Variants in IMMP2L observed in about 807,000 individuals in gnomAD.
IMMP2L encodes the protein inner mitochondrial membrane peptidase subunit 2.
IMMP2L carries 18 observed loss-of-function variants against 19.3 expected under a neutral mutation model. The ratio of observed to expected loss-of-function variants is 0.93; its 90% CI spans 0.64 to 1.38. The LOEUF is 1.38. Among genes scored for constraint, IMMP2L ranks in the 40% most tolerant of loss-of-function variants. IMMP2L has a pLI of 0.00. For synonymous variants in IMMP2L, 76 were observed against 73.0 expected, an observed-to-expected ratio of 1.04 and a Z score of -0.21; for missense variants, 233 against 218.2, an observed-to-expected ratio of 1.07 and a Z score of -0.43.
chr7:110,742,925 G>C (rs912117334), intron 5 of IMMP2L, among the ~76,000 whole-genome samples: 2 of 151,940 alleles, frequency 1.3e-5, no homozygotes, highest in African/African-American at 4.8e-5. Flanking sequence ...ACATTCCTAC[G>C]TACATTACGC....
At position 110,870,233 on chromosome 7, in the gene IMMP2L, T is replaced by C. The variant is rs1288165703; in HGVS notation, c.408+16360A>G. Reference sequence around the variant, plus strand: ...GCCTTCTTCCAATCTCCACTAACCATTTTAAGTGCATTTCATTCTCTTTTT... The same window carrying C: ...GCCTTCTTCCAATCTCCACTAACCACTTTAAGTGCATTTCATTCTCTTTTT... On this transcript the variant is annotated intron_variant, in intron 5 of 5. Coordinates refer to ENST00000405709, the MANE Select transcript of IMMP2L (RefSeq NM_032549.4). This position sits in a 1 kb window ranked among gnomAD's most constrained non-coding sequence, Gnocchi z 4.2. 6.6e-6 allele frequency among the ~76,000 whole-genome samples: 1 copy of C among 152,146 alleles called. No individual in the cohort carries two copies. The highest frequency in any genetic ancestry group is 1.5e-5 in the Non-Finnish European group (1 of 68,022).
intron 3 of IMMP2L, among the ~76,000 whole-genome samples, chr7:111,171,090 A>G (rs1806393449): frequency 6.6e-6 from 1 of 151,750 alleles, no homozygotes; most frequent in South Asian, 2.1e-4. Context: ...AGAAATCAGT[A>G]TAAAAATCCA....
chr7:111,380,118 A>T (rs1563121862), intron 3 of IMMP2L, among the ~76,000 whole-genome samples: 1 of 151,984 alleles, frequency 6.6e-6, no homozygotes, highest in Non-Finnish European at 1.5e-5. Flanking sequence ...ATAATATTTT[A>T]TTATAATATC....
At chr7:111,111,172 C>A (rs542184796) in intron 3 of IMMP2L, among the ~76,000 whole-genome samples, 12 of 151,818 alleles carry the variant, frequency 7.9e-5, no homozygotes, top group Non-Finnish European at 1.5e-4. Context: ...AATTTATAAC[C>A]CTGTTTTGAA....
chr7:111,513,952 T>G (rs1845664526), intron 2 of IMMP2L, among the ~76,000 whole-genome samples: 1 of 152,008 alleles, frequency 6.6e-6, no homozygotes, highest in African/African-American at 2.4e-5. Flanking sequence ...AAATACTGCA[T>G]GATCTCACTT....
intron 3 of IMMP2L, among the ~76,000 whole-genome samples, chr7:111,149,068 T>G (rs1338981508): frequency 6.6e-6 from 1 of 152,096 alleles, no homozygotes; most frequent in Non-Finnish European, 1.5e-5. Flanking sequence ...AATAAAAAAT[T>G]TTAAAGAGTA....
At chr7:111,364,722 G>T (rs1829600545) in intron 3 of IMMP2L, among the ~76,000 whole-genome samples, 1 of 151,600 alleles carries the variant, frequency 6.6e-6, no homozygotes, top group South Asian at 2.1e-4. Flanking sequence ...TGTAATCCCA[G>T]CACTTTGGGA....
At chr7:110,895,413 T>C (rs1811225520) in intron 4 of IMMP2L, among the ~76,000 whole-genome samples, 1 of 152,206 alleles carries the variant, frequency 6.6e-6, no homozygotes, top group Non-Finnish European at 1.5e-5. Flanking sequence ...AATATCATAC[T>C]GCCATGATAA....
rs112039180 is a variant in IMMP2L at position 111,279,207 on chromosome 7, A to T, written c.239+208031T>A. Among the ~76,000 whole-genome samples, 527 of 152,304 alleles carry T rather than the reference A, an allele frequency of 3.5e-3. 2 individuals are homozygous for T. Among genetic ancestry groups the T allele is most frequent in the African/African-American group, 0.012 (499 of 41,568 alleles). On this transcript the variant is annotated intron_variant, in intron 3 of 5. Coordinates refer to ENST00000405709, the MANE Select transcript of IMMP2L (RefSeq NM_032549.4). Reference sequence around the variant, plus strand: ...TTTCAAAATTGGGTAAAATGTATAAAACAGAAGAATAAAAGCAAAGTTGGA... The same window carrying T: ...TTTCAAAATTGGGTAAAATGTATAATACAGAAGAATAAAAGCAAAGTTGGA...
chr7:110,898,744 T>C (rs1345902691), intron 4 of IMMP2L, among the ~76,000 whole-genome samples: 2 of 151,884 alleles, frequency 1.3e-5, no homozygotes, highest in African/African-American at 4.8e-5. Flanking sequence ...CTTCCTGTCA[T>C]ATAATTCATA....
At chr7:111,504,376 C>G (rs956522100) in intron 2 of IMMP2L, among the ~76,000 whole-genome samples, 3 of 152,038 alleles carry the variant, frequency 2.0e-5, no homozygotes, top group East Asian at 1.9e-4. Context: ...GAATCAATAT[C>G]GTGAAAATGG....
intron 3 of IMMP2L, among the ~76,000 whole-genome samples, chr7:111,443,616 TCC>T (rs1837972430): frequency 6.6e-6 from 1 of 152,172 alleles, no homozygotes; most frequent in Non-Finnish European, 1.5e-5. Flanking sequence ...AACAGAACTC[TCC>T]TCAAAATATC....
chr7:110,759,004 GTATT>G (rs1358045633), intron 5 of IMMP2L, among the ~76,000 whole-genome samples: 2 of 152,070 alleles, frequency 1.3e-5, no homozygotes. Flanking sequence ...CAGATGAAAG[GTATT>G]TAGTCTCTAT....
chr7:110,885,268 T>G (rs1810104547), intron 5 of IMMP2L, among the ~76,000 whole-genome samples: 1 of 151,954 alleles, frequency 6.6e-6, no homozygotes, highest in Non-Finnish European at 1.5e-5. Context: ...CAATGAACAT[T>G]TCCTTTGAGC....
chr7:110,668,769 T>A (rs186892429), intron 5 of IMMP2L, among the ~76,000 whole-genome samples: 2 of 150,242 alleles, frequency 1.3e-5, no homozygotes, highest in African/African-American at 5.0e-5. Context: ...AATGCAAAAT[T>A]CAGGGTTTCT....
chr7:111,068,844 T>C (rs1389498104), intron 3 of IMMP2L, among the ~76,000 whole-genome samples: 1 of 152,214 alleles, frequency 6.6e-6, no homozygotes, highest in African/African-American at 2.4e-5. Flanking sequence ...AGAAATGACA[T>C]GTCAGAAGCC....
At chr7:111,557,129 C>A (rs910858316) in intron 1 of IMMP2L, among the ~76,000 whole-genome samples, 1 of 152,126 alleles carries the variant, frequency 6.6e-6, no homozygotes, top group African/African-American at 2.4e-5. Context: ...CTTCTCTATT[C>A]CCACTACTTC....
At chr7:111,168,449 G>C (rs1806072952) in intron 3 of IMMP2L, among the ~76,000 whole-genome samples, 1 of 151,882 alleles carries the variant, frequency 6.6e-6, no homozygotes, top group African/African-American at 2.4e-5. Flanking sequence ...TAAGTTGAGA[G>C]TAGGTCAGTG....
Position 110,696,425 on chromosome 7 carries a change from C to CTTTTTTTT in IMMP2L, c.409-32712_409-32705dup, listed in dbSNP as rs374621101. Among the ~76,000 whole-genome samples the CTTTTTTTT allele has an allele frequency of 3.3e-5, 4 of 119,860 alleles. 1 individual carries two copies. Among genetic ancestry groups the CTTTTTTTT allele is most frequent in the Non-Finnish European group, 6.7e-5 (4 of 60,088 alleles). The allele number at this position is 119,860 out of a possible 152,430, so 78.6% of individuals were successfully genotyped here. A position where few individuals can be genotyped will look rare whatever the true frequency, so the allele number is the denominator to read the frequency against. On this transcript the variant is annotated intron_variant, in intron 5 of 5. Transcript: ENST00000405709. Reference sequence around the variant, plus strand: ...TCTGCACTGAGACATTCCTTTTTCTCTTTTTTTTTTTTTTTTTTTGAGACA... The same window carrying CTTTTTTTT: ...TCTGCACTGAGACATTCCTTTTTCTCTTTTTTTTTTTTTTTTTTTTTTTTTTTGAGACA...
Sources: allele counts gnomAD v4.1 joint callset (sites outside exome capture counted in the v4.1 genomes callset), GRCh38; gene constraint gnomAD v4.1.1; non-coding constraint Gnocchi (gnomAD v3.1); transcripts MANE v1.5; gene names NCBI Gene and HGNC (gene_info 2026-07-23, HGNC 2026-07-21).